RASAL2: variants seen among roughly 807,000 people sequenced by gnomAD.
The protein encoded by RASAL2 is ras GTPase-activating protein nGAP.
A neutral mutation model predicts 128.9 loss-of-function variants in RASAL2; 58 were observed. The ratio of observed to expected loss-of-function variants is 0.45; its 90% CI spans 0.36 to 0.56. The LOEUF is 0.56. Among genes scored for constraint, RASAL2 ranks in the 20% least tolerant of loss-of-function variants. The probability of loss-of-function intolerance (pLI) is 0.00; values close to 1 mark genes in which losing one functional copy is unlikely to be tolerated. For synonymous variants in RASAL2, 561 were observed against 580.8 expected (o/e 0.97, Z 0.49); for missense variants, 1,360 against 1,601.6 (o/e 0.85, Z 2.57).
chr1:178,218,542 C>G (rs1663502337), intron 1 of RASAL2, among the ~76,000 whole-genome samples: 1 of 152,146 alleles, frequency 6.6e-6, no homozygotes, highest in Admixed American at 6.5e-5. Context: ...CAAAAATTAG[C>G]CAGGCATGAT....
intron 2 of RASAL2, among the ~76,000 whole-genome samples, chr1:178,290,406 A>G (rs971582641): frequency 3.3e-5 from 5 of 152,252 alleles, no homozygotes; most frequent in African/African-American, 9.6e-5. Context: ...TAATAAAAAG[A>G]GAAAAATAAT....
At chr1:178,380,819 C>T (rs1356998792) in intron 3 of RASAL2, among the ~76,000 whole-genome samples, 2 of 152,116 alleles carry the variant, frequency 1.3e-5, no homozygotes, top group African/African-American at 2.4e-5. Flanking sequence ...CTTGCAGTGA[C>T]TTAAGACCTC....
intron 1 of RASAL2, among the ~76,000 whole-genome samples, chr1:178,118,828 A>T (rs1212403297): frequency 2.0e-5 from 3 of 150,778 alleles, no homozygotes; most frequent in Non-Finnish European, 4.4e-5. Context: ...TTTGTTGAGC[A>T]GGTTGAATAT....
At chr1:178,387,903 G>T (rs1470370518) in intron 3 of RASAL2, among the ~76,000 whole-genome samples, 2 of 152,164 alleles carry the variant, frequency 1.3e-5, no homozygotes, top group Non-Finnish European at 2.9e-5. Flanking sequence ...TTCATTTAAT[G>T]AGTTTGTATG....
chr1:178,451,183 T>G (rs12755248), intron 9 of RASAL2, among the ~76,000 whole-genome samples: 1 of 152,280 alleles, frequency 6.6e-6, no homozygotes, highest in East Asian at 1.9e-4. Context: ...CAATCAAGCT[T>G]GGGTCATTTG....
chr1:178,209,000 G>A (rs575061014), intron 1 of RASAL2, among the ~76,000 whole-genome samples: 8 of 151,866 alleles, frequency 5.3e-5, no homozygotes, highest in African/African-American at 7.2e-5. Flanking sequence ...TTAAATGATC[G>A]TATGGTACTT....
At chr1:178,463,382 T>C (rs1371751061) in intron 14 of RASAL2, among the ~76,000 whole-genome samples, 2 of 152,190 alleles carry the variant, frequency 1.3e-5, no homozygotes, top group Non-Finnish European at 2.9e-5. Flanking sequence ...TTTTGAAACA[T>C]AAATATTGTA....
intron 3 of RASAL2, among the ~76,000 whole-genome samples, chr1:178,302,193 T>C (rs886679863): frequency 6.6e-6 from 1 of 152,236 alleles, no homozygotes; most frequent in African/African-American, 2.4e-5. Context: ...AGGTATTTCA[T>C]TGAATAATTG....
At chr1:178,349,077 G>A (rs555898324) in intron 3 of RASAL2, among the ~76,000 whole-genome samples, 16 of 151,182 alleles carry the variant, frequency 1.1e-4, no homozygotes, top group Non-Finnish European at 1.6e-4. Context: ...GGGATTACAG[G>A]CCTGAGCCAC....
intron 3 of RASAL2, among the ~76,000 whole-genome samples, chr1:178,310,694 A>G (rs1022833327): frequency 2.0e-5 from 3 of 152,150 alleles, no homozygotes; most frequent in African/African-American, 4.8e-5. Flanking sequence ...TCCATATTTT[A>G]GCACAGTGGA....
intron 3 of RASAL2, among the ~76,000 whole-genome samples, chr1:178,309,949 A>G (rs915551357): frequency 2.6e-5 from 4 of 152,188 alleles, no homozygotes; most frequent in African/African-American, 7.2e-5. Context: ...CAGTGAACTG[A>G]GGCAGCTGGT....
At chr1:178,247,027 C>A (rs1355230616) in intron 1 of RASAL2, among the ~76,000 whole-genome samples, 1 of 152,024 alleles carries the variant, frequency 6.6e-6, no homozygotes, top group Non-Finnish European at 1.5e-5. Flanking sequence ...CTGAAATTTT[C>A]TTTTTTTGTT....
intron 3 of RASAL2, among the ~76,000 whole-genome samples, chr1:178,303,231 A>G (rs749794631): frequency 2.0e-5 from 3 of 152,178 alleles, no homozygotes; most frequent in African/African-American, 7.2e-5. Context: ...GAATTGACCT[A>G]TAAGATAGTG....
At chr1:178,232,395 A>G (rs1043627524) in intron 1 of RASAL2, among the ~76,000 whole-genome samples, 3 of 152,194 alleles carry the variant, frequency 2.0e-5, no homozygotes, top group African/African-American at 4.8e-5. Flanking sequence ...TTTCCAGCCA[A>G]CTTATCCCAA....
intron 4 of RASAL2, among the ~76,000 whole-genome samples, chr1:178,408,863 TC>T (rs1674170325): frequency 6.6e-6 from 1 of 152,172 alleles, no homozygotes; most frequent in Non-Finnish European, 1.5e-5. Context: ...CTCAAAGTTC[TC>T]CTCTGCCATT....
At chr1:178,109,975 G>T (rs1659234378) in intron 1 of RASAL2, among the ~76,000 whole-genome samples, 1 of 152,120 alleles carries the variant, frequency 6.6e-6, no homozygotes, top group Admixed American at 6.5e-5. Context: ...CTGTGATCCT[G>T]CTACTACACT....
intron 1 of RASAL2, among the ~76,000 whole-genome samples, chr1:178,225,878 G>A (rs1663768374): frequency 6.6e-6 from 1 of 151,872 alleles, no homozygotes; most frequent in Non-Finnish European, 1.5e-5. Flanking sequence ...GATAATCTTT[G>A]TCTTCAAGGA....
intron 1 of RASAL2, among the ~76,000 whole-genome samples, chr1:178,222,544 C>A (rs1309116368): frequency 6.6e-6 from 1 of 152,096 alleles, no homozygotes; most frequent in African/African-American, 2.4e-5. Context: ...TTCCTAATCT[C>A]TCTCTGGAAT....
chr1:178,144,032 G>A (rs1449499385), intron 1 of RASAL2, among the ~76,000 whole-genome samples: 1 of 152,040 alleles, frequency 6.6e-6, no homozygotes, highest in Non-Finnish European at 1.5e-5. Flanking sequence ...TGTCACTGTT[G>A]AATGTCTCAA....
Sources: allele counts gnomAD v4.1 joint callset (sites outside exome capture counted in the v4.1 genomes callset), GRCh38; gene constraint gnomAD v4.1.1; transcripts MANE v1.5; gene names NCBI Gene and HGNC (gene_info 2026-07-23, HGNC 2026-07-21).